Variants in PPP2R5E observed in about 807,000 individuals in gnomAD.
PPP2R5E encodes protein phosphatase 2 regulatory subunit B'epsilon.
A neutral mutation model predicts 65.3 loss-of-function variants in PPP2R5E; 4 were observed. That is an observed-to-expected ratio of 0.06 (90% CI 0.03 to 0.14). The LOEUF is 0.14. Ranked by LOEUF, PPP2R5E falls within the 10% of genes least tolerant of loss-of-function variation. PPP2R5E has a pLI of 1.00. For synonymous variants in PPP2R5E, 183 were observed against 187.4 expected, an observed-to-expected ratio of 0.98 and a Z score of 0.19; for missense variants, 274 against 556.1, an observed-to-expected ratio of 0.49 and a Z score of 5.10.
intron 2 of PPP2R5E, among the ~76,000 whole-genome samples, chr14:63,530,342 C>T (rs1270145407): frequency 1.4e-5 from 2 of 147,340 alleles, no homozygotes; most frequent in Non-Finnish European, 3.0e-5. Flanking sequence ...AAGCGATTCT[C>T]CTGCCTCAGC....
intron 2 of PPP2R5E, among the ~76,000 whole-genome samples, chr14:63,467,087 G>A (rs113264655): frequency 0.029 from 4,404 of 151,748 alleles, 191 homozygotes; most frequent in African/African-American, 0.097. Flanking sequence ...TTAGCCGGGC[G>A]TGGTGGCAGG....
rs138508389 is a variant in PPP2R5E at position 63,402,606 on chromosome 14, C to T, written c.550-5890G>A. 3.1e-3 allele frequency among the ~76,000 whole-genome samples: 469 copies of T among 152,160 alleles called. 3 individuals are homozygous for T. The highest frequency in any genetic ancestry group is 5.5e-3 in the Non-Finnish European group (377 of 67,986). ...CAGTGCTATTATTCAGGTGGATATT[C>T]AGGAAATTTTTTAAAAGCTTTTAGA... is the stretch of plus-strand genomic sequence containing the variant. On this transcript the variant is annotated intron_variant, in intron 5 of 13. Transcript: ENST00000337537.
At chr14:63,487,671 T>C (rs2139620305) in intron 2 of PPP2R5E, among the ~76,000 whole-genome samples, 1 of 152,328 alleles carries the variant, frequency 6.6e-6, no homozygotes, top group South Asian at 2.1e-4. Flanking sequence ...GTGTTTCACC[T>C]TTCAAAACAT....
At chr14:63,429,960 A>G (rs1887546882) in intron 3 of PPP2R5E, among the ~76,000 whole-genome samples, 1 of 152,082 alleles carries the variant, frequency 6.6e-6, no homozygotes, top group Non-Finnish European at 1.5e-5. Context: ...CCGGGATTAC[A>G]GGCGTGAGCC....
At position 63,371,399 on chromosome 14, in the gene PPP2R5E, A is replaced by G. The variant is rs531637242; in HGVS notation, c.*4610T>C. 1.3e-5 allele frequency: 2 copies of G among 152,292 alleles called. No homozygotes were observed. Among genetic ancestry groups the G allele is most frequent in the African/African-American group, 4.8e-5 (2 of 41,554 alleles). 9.4% of individuals were successfully genotyped at this position (152,292 alleles called of 1,614,324 possible). ...TGCTTCTTTATTATGATGCACCCAC[A>G]GTACAGAACCTCTCACACATCTGTG... On this transcript the variant is annotated 3_prime_UTR_variant, in exon 14 of 14. Coordinates refer to ENST00000337537, the MANE Select transcript of PPP2R5E (RefSeq NM_006246.5).
In PPP2R5E at chr14:63,514,559, G is replaced by C. The variant is rs577588042; in HGVS notation, c.157+24970C>G. ...AATATTTAAGATGCAAACCAGAAAA[G>C]AAAAAGTAATGAGTAAGAAGCGATA... On this transcript the variant is annotated intron_variant, in intron 2 of 13. Coordinates refer to ENST00000337537, the MANE Select transcript of PPP2R5E (RefSeq NM_006246.5). 2.0e-5 allele frequency among the ~76,000 whole-genome samples: 3 copies of C among 151,518 alleles called. No individual in the cohort carries two copies. The South Asian group carries it at 6.3e-4, about 32-fold the overall frequency.
chr14:63,535,648 C>T (rs893348032), intron 2 of PPP2R5E, among the ~76,000 whole-genome samples: 1 of 152,158 alleles, frequency 6.6e-6, no homozygotes, highest in African/African-American at 2.4e-5. Context: ...TACATAATCA[C>T]TGTTTGTATA....
chr14:63,524,940 T>G (rs1050354474), intron 2 of PPP2R5E, among the ~76,000 whole-genome samples: 1 of 152,212 alleles, frequency 6.6e-6, no homozygotes, highest in Non-Finnish European at 1.5e-5. Context: ...TGACCAAGAT[T>G]GCGGTTAGCT....
At chr14:63,423,015 T>G (rs573496649) in intron 3 of PPP2R5E, among the ~76,000 whole-genome samples, 10 of 152,354 alleles carry the variant, frequency 6.6e-5, no homozygotes, top group African/African-American at 2.4e-4. Context: ...AACATGGCCA[T>G]GAGTTGATAA....
At chr14:63,508,277 G>T in intron 2 of PPP2R5E, 2 of 923,698 alleles carry the variant, frequency 2.2e-6, no homozygotes, top group Non-Finnish European at 2.6e-6. Flanking sequence ...TTACCCCAAT[G>T]CTATGGCAAC....
At chr14:63,461,109 T>C (rs1455340065) in intron 2 of PPP2R5E, among the ~76,000 whole-genome samples, 3 of 152,212 alleles carry the variant, frequency 2.0e-5, no homozygotes, top group East Asian at 1.9e-4. Flanking sequence ...ACAGGACAGA[T>C]GCCACCAAAG....
chr14:63,495,899 C>T (rs1891535709), intron 2 of PPP2R5E, among the ~76,000 whole-genome samples: 2 of 151,892 alleles, frequency 1.3e-5, no homozygotes, highest in South Asian at 2.1e-4. Context: ...CTATGTTGCC[C>T]GAGCTGGTCC....
intron 1 of PPP2R5E, among the ~76,000 whole-genome samples, chr14:63,542,435 C>A (rs995116862): frequency 4.6e-5 from 7 of 152,168 alleles, no homozygotes; most frequent in African/African-American, 1.7e-4. Context: ...CTAACCCACA[C>A]CCCAAGCCCT....
rs1302786319 is a variant in PPP2R5E, at chr14:63,375,638, A to G, written c.*371T>C. The G allele has an allele frequency of 1.3e-4, 20 of 157,966 alleles. No homozygotes were observed. Among genetic ancestry groups the G allele is most frequent in the Admixed American group, 9.7e-4 (15 of 15,448 alleles). 9.8% of individuals were successfully genotyped at this position (157,966 alleles called of 1,614,324 possible). A position where few individuals can be genotyped will look rare whatever the true frequency, so the allele number is the denominator to read the frequency against. ...CTTAGCAGAAAGACAAGCTAAATTT[A>G]AGATTGTTCACATTTGAAAATTGTA... On this transcript the variant is annotated 3_prime_UTR_variant, in exon 14 of 14. Transcript: ENST00000337537.
chr14:63,467,480 G>A (rs1033743), intron 2 of PPP2R5E, among the ~76,000 whole-genome samples: 45,426 of 151,816 alleles, frequency 0.3, 8,476 homozygotes, highest in African/African-American at 0.53. Flanking sequence ...TCTTCAGATT[G>A]TACTGAAAAT....
intron 3 of PPP2R5E, among the ~76,000 whole-genome samples, chr14:63,437,010 A>C (rs530800768): frequency 2.0e-5 from 3 of 152,320 alleles, no homozygotes; most frequent in African/African-American, 7.2e-5. Flanking sequence ...GACCTTACTG[A>C]TAAAACAGGA....
At chr14:63,395,092 G>A in intron 7 of PPP2R5E, 134 bp downstream of exon 7, 1 of 678,608 alleles carries the variant, frequency 1.5e-6, no homozygotes, top group Admixed American at 2.6e-5. Flanking sequence ...TGGAAAATAT[G>A]CTAATAGGCA....
chr14:63,471,001 T>C (rs1411337548), intron 2 of PPP2R5E, among the ~76,000 whole-genome samples: 3 of 152,160 alleles, frequency 2.0e-5, no homozygotes, highest in Admixed American at 6.5e-5. Flanking sequence ...AAAGCAAGCA[T>C]AGCATGCAGA....
At chr14:63,468,655 T>G (rs1167218711) in intron 2 of PPP2R5E, among the ~76,000 whole-genome samples, 2 of 151,848 alleles carry the variant, frequency 1.3e-5, no homozygotes, top group Non-Finnish European at 2.9e-5. Flanking sequence ...AGGCTTCTTC[T>G]GATATAATCA....
Sources: gnomAD v4.1 joint callset for allele counts (sites outside exome capture counted in the v4.1 genomes callset) on GRCh38, gnomAD v4.1.1 for gene constraint, MANE v1.5 for transcripts, NCBI Gene and HGNC (gene_info 2026-07-23, HGNC 2026-07-21) for gene names.